PPP2R2B: variants seen among roughly 807,000 people sequenced by gnomAD.
The protein encoded by PPP2R2B is protein phosphatase 2 regulatory subunit Bbeta, also known as serine/threonine-protein phosphatase 2A 55 kDa regulatory subunit B beta isoform.
Under a neutral mutation model 46.0 loss-of-function variants are expected in PPP2R2B, and 5 were observed. The observed-to-expected ratio is 0.11, with a 90% CI of 0.06 to 0.23. The LOEUF is 0.23. Among genes scored for constraint, PPP2R2B ranks in the 10% least tolerant of loss-of-function variants. The probability of loss-of-function intolerance (pLI) is 1.00; values close to 1 mark genes in which losing one functional copy is unlikely to be tolerated. For missense variants in PPP2R2B, 367 were observed against 575.0 expected (o/e 0.64, Z 3.70); for synonymous variants, 215 against 206.7 (o/e 1.04, Z -0.34).
intron 5 of PPP2R2B, among the ~76,000 whole-genome samples, chr5:146,653,797 G>A (rs570555966): frequency 2.0e-4 from 30 of 152,252 alleles, no homozygotes; most frequent in Admixed American, 1.2e-3. Flanking sequence ...GAAGGGCTCC[G>A]TGTAGGTATC....
intron 1 of PPP2R2B, among the ~76,000 whole-genome samples, chr5:147,010,706 C>G (rs536984678): frequency 8.5e-4 from 129 of 152,294 alleles, no homozygotes; most frequent in African/African-American, 2.8e-3. Flanking sequence ...TACTGCCCTC[C>G]TGCTGTGTGG....
At chr5:146,813,566 G>GC (rs1307441829) in intron 2 of PPP2R2B, among the ~76,000 whole-genome samples, 1 of 152,184 alleles carries the variant, frequency 6.6e-6, no homozygotes, top group Non-Finnish European at 1.5e-5. Flanking sequence ...TCCTCAGTGA[G>GC]CTGAAGCAGG....
chr5:147,079,556 A>G (rs1469699155), intron 2 of PPP2R2B, among the ~76,000 whole-genome samples: 1 of 151,316 alleles, frequency 6.6e-6, no homozygotes, highest in East Asian at 1.9e-4. Flanking sequence ...GGCATTATTA[A>G]CATAGTTCAC....
At chr5:146,692,527 A>ATTTT (rs34156552) in intron 4 of PPP2R2B, among the ~76,000 whole-genome samples, 17 of 111,040 alleles carry the variant, frequency 1.5e-4, no homozygotes, top group East Asian at 2.7e-4. Flanking sequence ...TTTTAATTCA[A>ATTTT]TTTTTTTTTT....
At chr5:146,895,357 G>A (rs189381510) in intron 1 of PPP2R2B, among the ~76,000 whole-genome samples, 74 of 152,296 alleles carry the variant, frequency 4.9e-4, no homozygotes, top group African/African-American at 1.6e-3. Context: ...TCACCACAGT[G>A]TAGCTCTACA....
At chr5:146,753,824 A>G (rs903499397) in intron 2 of PPP2R2B, among the ~76,000 whole-genome samples, 5 of 152,122 alleles carry the variant, frequency 3.3e-5, no homozygotes, top group African/African-American at 1.2e-4. Flanking sequence ...CTACCATAAT[A>G]GAGGAAGTGG....
intron 2 of PPP2R2B, among the ~76,000 whole-genome samples, chr5:146,731,704 G>C (rs1347402139): frequency 6.6e-6 from 1 of 152,136 alleles, no homozygotes; most frequent in Non-Finnish European, 1.5e-5. Flanking sequence ...CATGAAGGAG[G>C]TGTGCAGATG....
chr5:146,813,351 GA>G (rs1757745075), intron 2 of PPP2R2B, among the ~76,000 whole-genome samples: 1 of 152,032 alleles, frequency 6.6e-6, no homozygotes, highest in African/African-American at 2.4e-5. Flanking sequence ...ATGTCACTAA[GA>G]ATAAATATTA....
At chr5:146,964,747 G>A (rs928990288) in intron 1 of PPP2R2B, among the ~76,000 whole-genome samples, 3 of 151,972 alleles carry the variant, frequency 2.0e-5, no homozygotes, top group African/African-American at 4.8e-5. Context: ...GGATGGTCTC[G>A]ATTTCCTGAC....
At chr5:146,805,770 T>TG (rs1356185979) in intron 2 of PPP2R2B, among the ~76,000 whole-genome samples, 2 of 152,110 alleles carry the variant, frequency 1.3e-5, no homozygotes, top group African/African-American at 4.8e-5. Flanking sequence ...GCAGAGGGGA[T>TG]GTGGCTTAAG....
intron 1 of PPP2R2B, among the ~76,000 whole-genome samples, chr5:147,036,377 G>A (rs1190152043): frequency 6.6e-6 from 1 of 152,088 alleles, no homozygotes; most frequent in Non-Finnish European, 1.5e-5. Context: ...AGTATTCCAT[G>A]GTGTCTATGT....
chr5:146,890,304 A>C (rs1395775762), intron 1 of PPP2R2B, among the ~76,000 whole-genome samples: 1 of 152,238 alleles, frequency 6.6e-6, no homozygotes, highest in African/African-American at 2.4e-5. Context: ...GAGCTGTATC[A>C]GTCCTCCTGA....
intron 7 of PPP2R2B, among the ~76,000 whole-genome samples, chr5:146,623,654 T>A (rs1440961193): frequency 6.6e-6 from 1 of 152,252 alleles, no homozygotes; most frequent in Non-Finnish European, 1.5e-5. Context: ...GGATTAAGGA[T>A]GCCCATACAT....
chr5:146,963,685 T>C (rs1246022945), intron 1 of PPP2R2B, among the ~76,000 whole-genome samples: 2 of 152,170 alleles, frequency 1.3e-5, no homozygotes, highest in African/African-American at 2.4e-5. Context: ...AATGTTATTA[T>C]CCCCATTTTA....
intron 2 of PPP2R2B, among the ~76,000 whole-genome samples, chr5:146,721,062 GC>G (rs1780770716): frequency 6.6e-6 from 1 of 152,232 alleles, no homozygotes; most frequent in East Asian, 1.9e-4. Context: ...CACCAGAGCA[GC>G]CTTAATTTGG....
At chr5:146,624,668 T>C (rs1348470495) in intron 7 of PPP2R2B, among the ~76,000 whole-genome samples, 6 of 152,196 alleles carry the variant, frequency 3.9e-5, no homozygotes, top group Non-Finnish European at 2.9e-5. Context: ...TCCTGGATTT[T>C]CTCTTAATAC....
At chr5:146,599,222 A>T (rs1485583977) in intron 8 of PPP2R2B, among the ~76,000 whole-genome samples, 2 of 152,094 alleles carry the variant, frequency 1.3e-5, no homozygotes, top group Non-Finnish European at 2.9e-5. Flanking sequence ...CCTTGCATTT[A>T]CACCATCCAC....
At chr5:146,986,740 A>G (rs1471050391) in intron 1 of PPP2R2B, among the ~76,000 whole-genome samples, 3 of 152,218 alleles carry the variant, frequency 2.0e-5, no homozygotes, top group African/African-American at 7.2e-5. Flanking sequence ...AGAATGCAAA[A>G]GGACAAAGAA....
At chr5:146,974,968 C>T (rs146538556) in intron 1 of PPP2R2B, among the ~76,000 whole-genome samples, 305 of 152,206 alleles carry the variant, frequency 2.0e-3, no homozygotes, top group African/African-American at 7.1e-3. Context: ...GGACTACAGG[C>T]GTGAACCACC....
Sources: gnomAD v4.1 joint callset for allele counts (sites outside exome capture counted in the v4.1 genomes callset) on GRCh38, gnomAD v4.1.1 for gene constraint, MANE v1.5 for transcripts, NCBI Gene and HGNC (gene_info 2026-07-23, HGNC 2026-07-21) for gene names.